The following NDRG4 variants were observed in gnomAD, a reference collection of about 807,000 sequenced individuals.
The protein encoded by NDRG4 is protein NDRG4.
Under a neutral mutation model 55.8 loss-of-function variants are expected in NDRG4, and 38 were observed. The ratio of observed to expected loss-of-function variants is 0.68; its 90% CI spans 0.53 to 0.89. The LOEUF (loss-of-function observed/expected upper bound fraction) is 0.89. Among genes scored for constraint, NDRG4 ranks in the 40% least tolerant of loss-of-function variants. The pLI is 0.00. For missense variants in NDRG4, 455 were observed against 468.6 expected (o/e 0.97, Z 0.27); for synonymous variants, 190 against 182.7 (o/e 1.04, Z -0.32).
In NDRG4 at chr16:58,479,124, G is replaced by A. The variant is rs536720851; in HGVS notation, c.-23-8632G>A. On this transcript the variant is annotated intron_variant, in intron 1 of 15. Transcript: ENST00000258187. ...GCTCACTGCAATCTTCGCCTCCCAAGTTCAAGCAACTCTCCTGCCTCGGCC... is the reference window on the plus strand; with the variant it reads ...GCTCACTGCAATCTTCGCCTCCCAAATTCAAGCAACTCTCCTGCCTCGGCC... 4.6e-5 allele frequency among the ~76,000 whole-genome samples: 7 copies of A among 152,252 alleles called. No homozygotes were observed. In the East Asian group the frequency reaches 7.7e-4, roughly 17 times the overall value.
downstream of NDRG4, among the ~76,000 whole-genome samples, chr16:58,515,149 G>GGTCGCTCGCCGCCCAGTTGC (rs1259211178): frequency 9.8e-5 from 15 of 152,312 alleles, no homozygotes; most frequent in African/African-American, 3.6e-4. Flanking sequence ...GAGATCAGGA[G>GGTCGCTCGCCGCCCAGTTGC]GTCGCTCGCC....
At chr16:58,465,368 A>G (rs2031395544) in intron 1 of NDRG4, 2 of 361,640 alleles carry the variant, frequency 5.5e-6, no homozygotes, top group South Asian at 4.0e-5. Flanking sequence ...TGCGCTCAGG[A>G]AACGGTGGAA....
At chr16:58,469,913 G>A (rs2032441085) in intron 1 of NDRG4, among the ~76,000 whole-genome samples, 1 of 152,240 alleles carries the variant, frequency 6.6e-6, no homozygotes. Context: ...CACACAGATG[G>A]TGAGTGGCTG....
intron 10 of NDRG4, among the ~76,000 whole-genome samples, chr16:58,508,400 TA>T: frequency 6.6e-6 from 1 of 152,318 alleles, no homozygotes; most frequent in East Asian, 1.9e-4. Flanking sequence ...CTGCAGCGGT[TA>T]TGTTTGGGGG....
At chr16:58,480,496 G>C (rs2034261833) in intron 1 of NDRG4, among the ~76,000 whole-genome samples, 1 of 152,230 alleles carries the variant, frequency 6.6e-6, no homozygotes, top group African/African-American at 2.4e-5. Context: ...AAACAGCCTT[G>C]TACCAGAGTG....
Position 58,512,431 on chromosome 16 carries a change from G to C in NDRG4, c.*855G>C, listed in dbSNP as rs2038904559. ...TTTGGGAGCCCGCAGGTGGCCAGAG[G>C]CAGGGGTAGCTGAGTTCCTGGAGAC... On this transcript the variant is annotated 3_prime_UTR_variant, in exon 15 of 15. Transcript: ENST00000570248. The C allele has an allele frequency of 3.8e-6, 1 of 260,298 alleles. No individual in the cohort carries two copies. 16.1% of individuals were successfully genotyped at this position (260,298 alleles called of 1,614,324 possible). A position where few individuals can be genotyped will look rare whatever the true frequency, so the allele number is the denominator to read the frequency against.
chr16:58,506,642 G>A (rs1386868273), intron 7 of NDRG4, 28 bp downstream of exon 7: 4 of 1,545,830 alleles, frequency 2.6e-6, no homozygotes, highest in East Asian at 2.4e-5. Context: ...TGCAGATCTG[G>A]GGTGATCTGG....
chr16:58,503,240 G>A (rs977066257), intron 1 of NDRG4, among the ~76,000 whole-genome samples: 5 of 152,322 alleles, frequency 3.3e-5, no homozygotes, highest in Non-Finnish European at 7.4e-5. Flanking sequence ...AGCCCTTGAG[G>A]ATGCTGGGCT....
intron 1 of NDRG4, among the ~76,000 whole-genome samples, chr16:58,468,515 G>A (rs2032150960): frequency 6.6e-6 from 1 of 152,212 alleles, no homozygotes; most frequent in Non-Finnish European, 1.5e-5. Context: ...GAGGTCAGGA[G>A]TTCTAGACCA....
rs934486655 is a variant in NDRG4, at chr16:58,464,898, C to A, written c.-24+1101C>A. ...CTTTCTCTGGGGGAGAAGTTTCTTG[C>A]TGGGAGTGGAGGCGACGCCAAGTGG... On this transcript the variant is annotated intron_variant, in intron 1 of 15. Coordinates refer to the NDRG4 transcript ENST00000258187. The surrounding 1 kb of genome is among the most constrained non-coding windows in gnomAD (Gnocchi z 4.8). 1 of 1,171,014 alleles carries A rather than the reference C, an allele frequency of 8.5e-7. No homozygotes were observed. The highest frequency in any genetic ancestry group is 1.1e-6 in the Non-Finnish European group (1 of 935,234). The allele number at this position is 1,171,014 out of a possible 1,614,324, so 72.5% of individuals were successfully genotyped here.
intron 2 of NDRG4, among the ~76,000 whole-genome samples, chr16:58,493,369 A>G (rs983174224): frequency 6.6e-6 from 1 of 152,188 alleles, no homozygotes; most frequent in South Asian, 2.1e-4. Flanking sequence ...CCCAGGTTCA[A>G]GTGATTCTCC....
At position 58,464,381 on chromosome 16, in the gene NDRG4, C is replaced by T. The variant is rs2031152255; in HGVS notation, c.-24+584C>T. ...CGCTCCTCTCCCCGGCTCGGCCGAGCGCGCTGCCCCGACGCCGCCACCCAG... is the reference window on the plus strand; with the variant it reads ...CGCTCCTCTCCCCGGCTCGGCCGAGTGCGCTGCCCCGACGCCGCCACCCAG... On this transcript the variant is annotated intron_variant, in intron 1 of 15. Coordinates refer to the NDRG4 transcript ENST00000258187. This position sits in a 1 kb window ranked among gnomAD's most constrained non-coding sequence, Gnocchi z 4.8. 7.3e-7 allele frequency: 1 copy of T among 1,362,278 alleles called. No homozygotes were observed. The highest frequency in any genetic ancestry group is 9.4e-7 in the Non-Finnish European group (1 of 1,061,498). The allele number at this position is 1,362,278 out of a possible 1,614,324, so 84.4% of individuals were successfully genotyped here.
At chr16:58,489,624 C>T (rs569464084) in intron 2 of NDRG4, among the ~76,000 whole-genome samples, 9 of 152,124 alleles carry the variant, frequency 5.9e-5, no homozygotes, top group South Asian at 2.1e-4. Flanking sequence ...TGCCCCGCCC[C>T]GCAGGTTCCC....
chr16:58,478,697 G>GTTTTTTTTTTTTT (rs59525801), intron 1 of NDRG4, among the ~76,000 whole-genome samples: 1 of 137,750 alleles, frequency 7.3e-6, no homozygotes, highest in Non-Finnish European at 1.5e-5. Flanking sequence ...TTTGTTTTTT[G>GTTTTTTTTTTTTT]TTTTTTTTTT....
intron 13 of NDRG4, 149 bp downstream of exon 13, chr16:58,509,501 C>A: frequency 2.6e-6 from 2 of 778,530 alleles, no homozygotes; most frequent in Non-Finnish European, 4.1e-6. Context: ...ACCTGGGCCC[C>A]GGATGCTGGG....
chr16:58,472,465 G>A (rs565412877), intron 1 of NDRG4, among the ~76,000 whole-genome samples: 23 of 152,316 alleles, frequency 1.5e-4, no homozygotes, highest in African/African-American at 4.8e-4. Context: ...AGCACGTAGG[G>A]CCCTCTGACC....
At chr16:58,506,849 C>A in intron 7 of NDRG4, 63 bp from the exon 8 acceptor site, 2 of 1,474,274 alleles carry the variant, frequency 1.4e-6, no homozygotes, top group East Asian at 2.3e-5. Flanking sequence ...CTGCCAGCCC[C>A]CTCTAAGCCT....
chr16:58,507,372 C>T (rs977691766), intron 8 of NDRG4: 6 of 379,726 alleles, frequency 1.6e-5, no homozygotes, highest in African/African-American at 1.2e-4. Flanking sequence ...AAGCTGTGCT[C>T]CTTGGAGCCC....
chr16:58,509,497 G>T (rs2038502537), intron 13 of NDRG4, 145 bp downstream of exon 13: 2 of 814,436 alleles, frequency 2.5e-6, no homozygotes, highest in Non-Finnish European at 3.8e-6. Context: ...TGTGACCTGG[G>T]CCCCGGATGC....
Sources: allele counts gnomAD v4.1 joint callset (sites outside exome capture counted in the v4.1 genomes callset), GRCh38; gene constraint gnomAD v4.1.1; non-coding constraint Gnocchi (gnomAD v3.1); transcripts MANE v1.5; gene names NCBI Gene and HGNC (gene_info 2026-07-23, HGNC 2026-07-21).